CSPP1: variants seen among roughly 807,000 people sequenced by gnomAD.
CSPP1 encodes centrosome and spindle pole associated protein 1.
A neutral mutation model predicts 164.4 loss-of-function variants in CSPP1; 126 were observed. The observed-to-expected ratio is 0.77, with a 90% confidence interval of 0.66 to 0.89. The LOEUF (loss-of-function observed/expected upper bound fraction) is 0.89. Among genes scored for constraint, CSPP1 ranks in the 40% least tolerant of loss-of-function variants. CSPP1 has a pLI of 0.00. For missense variants in CSPP1, 1,395 were observed against 1,449.8 expected (o/e 0.96, Z 0.61); for synonymous variants, 472 against 476.7 (o/e 0.99, Z 0.13).
intron 17 of CSPP1, among the ~76,000 whole-genome samples, chr8:67,142,622 A>T (rs1335046117): frequency 6.6e-6 from 1 of 152,220 alleles, no homozygotes; most frequent in Non-Finnish European, 1.5e-5. Flanking sequence ...AAGCTGTTAG[A>T]AACATTCACT....
rs1337801618 is a variant in CSPP1 at position 67,172,563 on chromosome 8, G to C, written c.2968+8G>C. The C allele has an allele frequency of 9.3e-6, 15 of 1,606,186 alleles. No homozygotes were observed. Among genetic ancestry groups the C allele is most frequent in the Non-Finnish European group, 1.2e-5 (14 of 1,175,466 alleles). Reference sequence around the variant, plus strand: ...ATGAGCTGAAAGATAGAGGTGAGTAGATTGCTGCTCTTTTAAAGATGTAGC... The same window carrying C: ...ATGAGCTGAAAGATAGAGGTGAGTACATTGCTGCTCTTTTAAAGATGTAGC... On this transcript the variant is annotated splice_region_variant and intron_variant, in intron 25 of 30. Coordinates refer to ENST00000678616, the MANE Select transcript of CSPP1 (RefSeq NM_001382391.1).
At chr8:67,152,041 T>G (rs1825797057) in intron 18 of CSPP1, among the ~76,000 whole-genome samples, 1 of 133,152 alleles carries the variant, frequency 7.5e-6, no homozygotes, top group South Asian at 2.3e-4. Flanking sequence ...TGAGCTGAGA[T>G]CACGCCACTG....
intron 1 of CSPP1, among the ~76,000 whole-genome samples, chr8:67,070,191 G>C (rs983579588): frequency 1.3e-5 from 2 of 151,776 alleles, no homozygotes; most frequent in Non-Finnish European, 2.9e-5. Context: ...AAGTCGGGAC[G>C]GTGGCTCACA....
chr8:67,136,258 A>G (rs1172998624), intron 16 of CSPP1, among the ~76,000 whole-genome samples: 1 of 152,120 alleles, frequency 6.6e-6, no homozygotes, highest in Non-Finnish European at 1.5e-5. Context: ...AGTTGCCACA[A>G]ACCTTCGATT....
chr8:67,159,512 T>TC (rs1827334593), intron 21 of CSPP1, among the ~76,000 whole-genome samples: 1 of 108,074 alleles, frequency 9.3e-6, no homozygotes, highest in African/African-American at 4.8e-5. Flanking sequence ...ATGTATTCTT[T>TC]TTTTTTTTTT....
intron 26 of CSPP1, among the ~76,000 whole-genome samples, chr8:67,176,300 G>A (rs1399466623): frequency 6.6e-6 from 1 of 152,178 alleles, no homozygotes; most frequent in African/African-American, 2.4e-5. Flanking sequence ...TTTAAGAAAA[G>A]TTAAGACCCT....
Position 67,193,495 on chromosome 8 carries a change from GTCTC to G in CSPP1, c.3368_3371del (p.Ser1123Ter), listed in dbSNP as rs1206214608. On this transcript the variant is annotated frameshift_variant, in exon 30 of 31. Transcript: ENST00000678616. LOFTEE classifies it high-confidence loss of function. ...AGTCGTCCTAATGTAGCACCAGATG[GTCTC>G]TCTCTAAAATCTATATCCAGTGTAA... 1.1e-5 allele frequency: 18 copies of G among 1,613,254 alleles called. No homozygotes were observed. The highest frequency in any genetic ancestry group is 1.4e-5 in the Non-Finnish European group (16 of 1,179,336).
At chr8:67,142,380 G>A (rs1001686147) in intron 17 of CSPP1, among the ~76,000 whole-genome samples, 1 of 152,070 alleles carries the variant, frequency 6.6e-6, no homozygotes, top group South Asian at 2.1e-4. Flanking sequence ...TTACTTACTC[G>A]TCCACCCATG....
At chr8:67,104,200 TC>T (rs1376445060) in intron 8 of CSPP1, among the ~76,000 whole-genome samples, 3 of 152,068 alleles carry the variant, frequency 2.0e-5, no homozygotes, top group Non-Finnish European at 2.9e-5. Context: ...GCTGTTTTGT[TC>T]TAATTGATTA....
intron 9 of CSPP1, among the ~76,000 whole-genome samples, chr8:67,109,247 T>C (rs1586168680): frequency 1.3e-5 from 2 of 152,186 alleles, no homozygotes; most frequent in African/African-American, 4.8e-5. Context: ...GGGCCCTGGC[T>C]TCTTACTGGA....
chr8:67,106,734 A>G (rs988635446), intron 9 of CSPP1, among the ~76,000 whole-genome samples: 16 of 152,150 alleles, frequency 1.1e-4, no homozygotes, highest in African/African-American at 3.9e-4. Context: ...TTTTGTGAAA[A>G]CTGTTAGAAA....
In CSPP1 at chr8:67,188,858, C is replaced by T. The variant is rs138576011; in HGVS notation, c.3221-1792C>T. On this transcript the variant is annotated intron_variant, in intron 28 of 30. Coordinates refer to ENST00000678616, the MANE Select transcript of CSPP1 (RefSeq NM_001382391.1). The stretch of plus-strand genomic sequence containing the variant: ...GCTGAACACTAGTCACTGGGTTCCA[C>T]GGTTCTCTTCTGTGACCCACGGCTT... Among the ~76,000 whole-genome samples, 279 of 152,302 alleles carry T rather than the reference C, an allele frequency of 1.8e-3. 4 individuals are homozygous for T. Among genetic ancestry groups the T allele is most frequent in the African/African-American group, 6.5e-3 (270 of 41,570 alleles).
chr8:67,113,913 C>A, intron 11 of CSPP1, 51 bp downstream of exon 11: 1 of 1,089,068 alleles, frequency 9.2e-7, no homozygotes. Context: ...AAATGATCCT[C>A]AAATGTGGTG....
chr8:67,136,420 A>G (rs1251369173), intron 16 of CSPP1, among the ~76,000 whole-genome samples: 1 of 151,652 alleles, frequency 6.6e-6, no homozygotes, highest in Non-Finnish European at 1.5e-5. Flanking sequence ...AATACAAAAA[A>G]TAACTGGGCG....
chr8:67,113,655 ATTAT>A (rs1408127814), intron 10 of CSPP1, 146 bp from the exon 11 acceptor site: 1 of 457,732 alleles, frequency 2.2e-6, no homozygotes, highest in Non-Finnish European at 3.9e-6. Context: ...GGCTTTCAGT[ATTAT>A]TTAAGGCTGT....
chr8:67,134,551 CT>C (rs35436646), intron 16 of CSPP1: 4,588 of 104,692 alleles, frequency 0.044, 253 homozygotes, highest in African/African-American at 0.16. Context: ...TTAGCATCAT[CT>C]TTTTTTTTTT....
chr8:67,119,599 T>A (rs1818591389), intron 15 of CSPP1, among the ~76,000 whole-genome samples: 1 of 152,160 alleles, frequency 6.6e-6, no homozygotes, highest in African/African-American at 2.4e-5. Context: ...GAGTGTAAGA[T>A]GGTATTTCAT....
intron 7 of CSPP1, 48 bp downstream of exon 7, chr8:67,095,780 ATTG>A (rs1324009609): frequency 4.6e-6 from 5 of 1,092,136 alleles, no homozygotes; most frequent in African/African-American, 1.6e-5. Context: ...TAGCAAATTA[ATTG>A]TTAATATTTG....
At chr8:67,180,548 AAAT>A (rs891969270) in intron 28 of CSPP1, among the ~76,000 whole-genome samples, 16 of 152,242 alleles carry the variant, frequency 1.1e-4, no homozygotes, top group South Asian at 2.1e-4. Flanking sequence ...ATGGGAAATA[AAAT>A]AATAATAATA....
Sources: gnomAD v4.1 joint callset for allele counts (sites outside exome capture counted in the v4.1 genomes callset) on GRCh38, gnomAD v4.1.1 for gene constraint, MANE v1.5 for transcripts, NCBI Gene and HGNC (gene_info 2026-07-23, HGNC 2026-07-21) for gene names.